ADK: variants seen among roughly 807,000 people sequenced by gnomAD.
ADK encodes adenosine kinase.
In ADK, 24 loss-of-function variants were observed where a neutral mutation model predicts 44.7. That is an observed-to-expected ratio of 0.54 (90% CI 0.39 to 0.76). The LOEUF is 0.76. ADK is among the 30% of genes least tolerant of loss of function. The pLI, the probability that ADK is intolerant of heterozygous loss-of-function variation, is 0.00. For synonymous variants in ADK, 128 were observed against 142.6 expected (o/e 0.90, Z 0.73); for missense variants, 321 against 425.1 (o/e 0.76, Z 2.15).
intron 4 of ADK, among the ~76,000 whole-genome samples, chr10:74,317,103 A>G (rs944032219): frequency 1.3e-5 from 2 of 152,200 alleles, no homozygotes; most frequent in African/African-American, 4.8e-5. Flanking sequence ...GTATTTTGAT[A>G]TGTCAAATCA....
intron 1 of ADK, among the ~76,000 whole-genome samples, chr10:74,173,228 C>A (rs1266903893): frequency 6.7e-6 from 1 of 149,752 alleles, no homozygotes; most frequent in Non-Finnish European, 1.5e-5. Context: ...GTGGCTGGGA[C>A]TACAGGCACC....
Position 74,483,858 on chromosome 10 carries a change from C to T in ADK, c.556-41398C>T, listed in dbSNP as rs150738701. Among the ~76,000 whole-genome samples the T allele has an allele frequency of 3.9e-5, 6 of 152,320 alleles. No homozygotes were observed. The East Asian group carries it at 7.7e-4, about 20-fold the overall frequency. ...GTTCCTCATCTCCATCTGAGACCTCCTCAGTCTGGACTTGACTGTCCATAG... is the reference window on the plus strand; with the variant it reads ...GTTCCTCATCTCCATCTGAGACCTCTTCAGTCTGGACTTGACTGTCCATAG... On this transcript the variant is annotated intron_variant, in intron 6 of 10. Transcript: ENST00000539909.
At chr10:74,309,920 TG>T (rs1840378924) in intron 3 of ADK, among the ~76,000 whole-genome samples, 1 of 152,170 alleles carries the variant, frequency 6.6e-6, no homozygotes, top group Non-Finnish European at 1.5e-5. Context: ...TATCTTAATT[TG>T]CTTCTGTTAT....
chr10:74,531,474 A>AT (rs773172167), intron 7 of ADK, among the ~76,000 whole-genome samples: 10 of 152,210 alleles, frequency 6.6e-5, no homozygotes, highest in Non-Finnish European at 1.2e-4. Flanking sequence ...TGTAGTTAAA[A>AT]CCCTTGCTAC....
At chr10:74,171,086 T>G (rs569910214) in intron 1 of ADK, among the ~76,000 whole-genome samples, 2 of 152,290 alleles carry the variant, frequency 1.3e-5, no homozygotes, top group East Asian at 3.9e-4. Flanking sequence ...CATTTTCTTA[T>G]GTCCCTAAAA....
intron 7 of ADK, among the ~76,000 whole-genome samples, chr10:74,546,180 C>T (rs1361780674): frequency 6.6e-6 from 1 of 152,074 alleles, no homozygotes; most frequent in Non-Finnish European, 1.5e-5. Context: ...AGAAATTTTG[C>T]GTGATGCTGA....
At chr10:74,391,466 C>T (rs1843324981) in intron 4 of ADK, among the ~76,000 whole-genome samples, 1 of 151,826 alleles carries the variant, frequency 6.6e-6, no homozygotes, top group African/African-American at 2.4e-5. Context: ...TTTATTCTTT[C>T]TGTGTTTCTT....
chr10:74,639,234 A>T (rs534843914), intron 9 of ADK, among the ~76,000 whole-genome samples: 1 of 152,218 alleles, frequency 6.6e-6, no homozygotes, highest in African/African-American at 2.4e-5. Context: ...AAGAATTGTT[A>T]TTTGATACTT....
At chr10:74,386,509 G>A (rs1345378941) in intron 4 of ADK, among the ~76,000 whole-genome samples, 9 of 152,100 alleles carry the variant, frequency 5.9e-5, no homozygotes, top group Admixed American at 5.9e-4. Flanking sequence ...TTGTTATGAA[G>A]TTTAATATGC....
At chr10:74,585,911 C>T (rs529611752) in intron 7 of ADK, among the ~76,000 whole-genome samples, 5 of 152,172 alleles carry the variant, frequency 3.3e-5, no homozygotes, top group South Asian at 2.1e-4. Context: ...CAATTTAGTG[C>T]GATCAGTTCA....
chr10:74,181,817 G>A (rs936011006), intron 1 of ADK, among the ~76,000 whole-genome samples: 7 of 152,134 alleles, frequency 4.6e-5, no homozygotes, highest in Non-Finnish European at 8.8e-5. Flanking sequence ...TTTGGGCATC[G>A]CTTACAGCTT....
At chr10:74,352,734 A>T (rs1315759842) in intron 4 of ADK, among the ~76,000 whole-genome samples, 1 of 152,246 alleles carries the variant, frequency 6.6e-6, no homozygotes, top group African/African-American at 2.4e-5. Flanking sequence ...CAAGAAAATA[A>T]CAACCCTATC....
chr10:74,678,816 A>G (rs141262799), intron 10 of ADK, among the ~76,000 whole-genome samples: 2 of 152,336 alleles, frequency 1.3e-5, no homozygotes, highest in African/African-American at 2.4e-5. Flanking sequence ...TAGTTCCCTG[A>G]CCTAGAATAT....
chr10:74,595,524 C>T (rs1434850057), intron 8 of ADK, among the ~76,000 whole-genome samples: 1 of 150,194 alleles, frequency 6.7e-6, no homozygotes, highest in Non-Finnish European at 1.5e-5. Flanking sequence ...CTACAGGCCC[C>T]CGCCACCACA....
At chr10:74,500,103 G>A (rs1847838976) in intron 6 of ADK, among the ~76,000 whole-genome samples, 1 of 152,190 alleles carries the variant, frequency 6.6e-6, no homozygotes, top group Admixed American at 6.5e-5. Context: ...TTGGAAGCCC[G>A]AAATAGAAGC....
chr10:74,656,679 G>A (rs1033327901), intron 9 of ADK, among the ~76,000 whole-genome samples: 3 of 152,174 alleles, frequency 2.0e-5, no homozygotes, highest in Non-Finnish European at 4.4e-5. Context: ...CAAAAATGGG[G>A]ATGATACCTA....
intron 6 of ADK, chr10:74,423,816 GC>G (rs2133044097): frequency 3.3e-6 from 1 of 306,514 alleles, no homozygotes; most frequent in Non-Finnish European, 6.6e-6. Flanking sequence ...GTCCAGCGCT[GC>G]CCCAGATCTC....
At chr10:74,414,146 G>A (rs1185864567) in intron 6 of ADK, among the ~76,000 whole-genome samples, 1 of 152,140 alleles carries the variant, frequency 6.6e-6, no homozygotes. Context: ...ATCCAAGCGA[G>A]CACATTCTGT....
intron 9 of ADK, among the ~76,000 whole-genome samples, chr10:74,635,948 C>T (rs910843752): frequency 9.9e-5 from 15 of 151,116 alleles, no homozygotes; most frequent in East Asian, 3.9e-4. Context: ...ATTAGCTGGG[C>T]GCAGTGGCAC....
Sources: allele counts gnomAD v4.1 joint callset (sites outside exome capture counted in the v4.1 genomes callset), GRCh38; gene constraint gnomAD v4.1.1; transcripts MANE v1.5; gene names NCBI Gene and HGNC (gene_info 2026-07-23, HGNC 2026-07-21).